The following MDFIC2 variants were observed in gnomAD, a reference collection of about 807,000 sequenced individuals.
MDFIC2 encodes myoD family inhibitor domain-containing protein 2.
intron 3 of MDFIC2, chr3:70,204,504 A>C (rs905642476): frequency 2.6e-5 from 4 of 152,022 alleles, no homozygotes; most frequent in Non-Finnish European, 4.4e-5. Flanking sequence ...CTCTTACTTC[A>C]CCGGGGAGAT....
chr3:70,215,123 T>C (rs908806366), intron 2 of MDFIC2, among the ~76,000 whole-genome samples: 1 of 152,142 alleles, frequency 6.6e-6, no homozygotes, highest in Non-Finnish European at 1.5e-5. Context: ...ACTATTTGAA[T>C]GTCACTTAAA....
At chr3:70,293,734 A>T (rs926998678) in intron 2 of MDFIC2, among the ~76,000 whole-genome samples, 11 of 152,066 alleles carry the variant, frequency 7.2e-5, no homozygotes, top group African/African-American at 2.7e-4. Context: ...AATTACATTA[A>T]TATTCCTCTG....
At chr3:70,232,344 T>C (rs1701567083) in intron 2 of MDFIC2, among the ~76,000 whole-genome samples, 1 of 152,102 alleles carries the variant, frequency 6.6e-6, no homozygotes, top group South Asian at 2.1e-4. Context: ...TGCACATGTG[T>C]CGAATGCCCA....
chr3:70,285,136 C>T (rs1296815475), intron 2 of MDFIC2, among the ~76,000 whole-genome samples: 1 of 150,820 alleles, frequency 6.6e-6, no homozygotes, highest in East Asian at 2.0e-4. Context: ...ATACATGTGC[C>T]ATGCTGGTGC....
intron 2 of MDFIC2, among the ~76,000 whole-genome samples, chr3:70,308,504 G>C (rs1253736435): frequency 6.6e-6 from 1 of 152,044 alleles, no homozygotes; most frequent in Non-Finnish European, 1.5e-5. Flanking sequence ...AACAGCTCTG[G>C]CTGTGGCTTT....
intron 2 of MDFIC2, among the ~76,000 whole-genome samples, chr3:70,274,901 G>T (rs1702007881): frequency 6.6e-6 from 1 of 152,130 alleles, no homozygotes; most frequent in South Asian, 2.1e-4. Context: ...GATTTGCTCT[G>T]TTAAAGATCT....
chr3:70,229,379 A>G (rs1256885197), intron 2 of MDFIC2, among the ~76,000 whole-genome samples: 1 of 152,192 alleles, frequency 6.6e-6, no homozygotes, highest in Admixed American at 6.5e-5. Context: ...AAATATGGCT[A>G]AAGAAGATCA....
intron 2 of MDFIC2, among the ~76,000 whole-genome samples, chr3:70,279,085 C>T (rs771903186): frequency 1.3e-5 from 2 of 149,710 alleles, no homozygotes; most frequent in Non-Finnish European, 3.0e-5. Context: ...TTGCCCAAGC[C>T]TGACTTCCAA....
At chr3:70,209,410 T>A (rs1576155835) in intron 2 of MDFIC2, among the ~76,000 whole-genome samples, 1 of 152,012 alleles carries the variant, frequency 6.6e-6, no homozygotes, top group African/African-American at 2.4e-5. Flanking sequence ...GTGGCGTGTA[T>A]CTTATGTCAA....
At chr3:70,219,035 A>G (rs1701438633) in intron 2 of MDFIC2, among the ~76,000 whole-genome samples, 3 of 152,174 alleles carry the variant, frequency 2.0e-5, no homozygotes, top group Non-Finnish European at 4.4e-5. Flanking sequence ...CATTTGTTCC[A>G]ATTTTTAGTA....
At chr3:70,293,909 C>A (rs1332066193) in intron 2 of MDFIC2, among the ~76,000 whole-genome samples, 5 of 152,056 alleles carry the variant, frequency 3.3e-5, no homozygotes, top group African/African-American at 1.2e-4. Flanking sequence ...CCTAAAGAGA[C>A]CCTTGGAGCC....
chr3:70,291,857 G>A (rs1176197521), intron 2 of MDFIC2: 4 of 152,058 alleles, frequency 2.6e-5, no homozygotes, highest in East Asian at 1.9e-4. Flanking sequence ...TCTTATCTTC[G>A]GCTTCCTGGA....
At chr3:70,285,864 A>G (rs1303334953) in intron 2 of MDFIC2, among the ~76,000 whole-genome samples, 1 of 151,814 alleles carries the variant, frequency 6.6e-6, no homozygotes, top group South Asian at 2.1e-4. Context: ...TTCTTTTGAG[A>G]AGTGTCTGTT....
intron 2 of MDFIC2, among the ~76,000 whole-genome samples, chr3:70,283,270 A>G (rs964393138): frequency 6.6e-6 from 1 of 151,936 alleles, no homozygotes; most frequent in Non-Finnish European, 1.5e-5. Context: ...CAGTCCTCTG[A>G]TTGATTGCTT....
intron 2 of MDFIC2, among the ~76,000 whole-genome samples, chr3:70,213,477 C>T (rs1158836331): frequency 6.6e-6 from 1 of 151,980 alleles, no homozygotes; most frequent in Non-Finnish European, 1.5e-5. Context: ...TATGTTTTCC[C>T]TTGGATTTAA....
intron 2 of MDFIC2, among the ~76,000 whole-genome samples, chr3:70,281,062 CAT>C (rs1196695120): frequency 2.0e-5 from 3 of 152,112 alleles, no homozygotes; most frequent in African/African-American, 7.2e-5. Context: ...ATCTCATGTA[CAT>C]GTTAATAAAT....
In MDFIC2 at chr3:70,242,070, G is replaced by A. The variant is rs527719465; in HGVS notation, c.89-35280C>T. 4.6e-5 allele frequency among the ~76,000 whole-genome samples: 7 copies of A among 152,260 alleles called. No individual in the cohort carries two copies. The South Asian group carries it at 1.5e-3, about 32-fold the overall frequency. On this transcript the variant is annotated intron_variant, in intron 2 of 3. Transcript: ENST00000567252. ...CAGAAAGACTAGAGACAATTTCCTCGTAAGGGTAAGGGCCAATGATGTGTA... is the reference window on the plus strand; with the variant it reads ...CAGAAAGACTAGAGACAATTTCCTCATAAGGGTAAGGGCCAATGATGTGTA...
chr3:70,289,556 A>C lies in MDFIC2; in HGVS notation c.88+22330T>G, dbSNP rs868051194. On this transcript the variant is annotated intron_variant, in intron 2 of 3. Coordinates refer to ENST00000567252, the MANE Select transcript of MDFIC2 (RefSeq NM_001364677.1). ...ATGTGTCTTGGAGTTGCTCTTCTCG[A>C]GGAGTATCTTTGTGGCGTTCTCTGT... Among the ~76,000 whole-genome samples, 1,181 of 147,726 alleles carry C rather than the reference A, an allele frequency of 8.0e-3. 9 individuals carry two copies. Among genetic ancestry groups the C allele is most frequent in the African/African-American group, 0.028 (1,124 of 40,416 alleles).
At chr3:70,283,629 G>T (rs13317022) in intron 2 of MDFIC2, 9,648 of 151,978 alleles carry the variant, frequency 0.063, 861 homozygotes, top group East Asian at 0.48. Context: ...GCAGATTAAA[G>T]GGATTCATGC....
Sources: allele counts gnomAD v4.1 joint callset (sites outside exome capture counted in the v4.1 genomes callset), GRCh38; gene constraint gnomAD v4.1.1; transcripts MANE v1.5; gene names NCBI Gene and HGNC (gene_info 2026-07-23, HGNC 2026-07-21).